Variants in RNLS observed in about 807,000 individuals in gnomAD.
RNLS encodes the protein renalase.
In RNLS, 39 loss-of-function variants were observed where a neutral mutation model predicts 39.8. The observed-to-expected ratio is 0.98, with a 90% confidence interval of 0.76 to 1.28. The LOEUF (loss-of-function observed/expected upper bound fraction) is 1.28. Ranked by LOEUF, RNLS falls within the 50% of genes most tolerant of loss-of-function variation. RNLS has a pLI of 0.00. For synonymous variants in RNLS, 147 were observed against 150.7 expected (o/e 0.98, Z 0.18); for missense variants, 410 against 413.3 (o/e 0.99, Z 0.07).
At chr10:88,443,877 T>C (rs1841876248) in intron 4 of RNLS, among the ~76,000 whole-genome samples, 1 of 152,244 alleles carries the variant, frequency 6.6e-6, no homozygotes, top group Non-Finnish European at 1.5e-5. Flanking sequence ...CCTGCCTCTG[T>C]AGACTCCACC....
At chr10:88,422,343 C>T (rs1156794521) in intron 4 of RNLS, among the ~76,000 whole-genome samples, 1 of 152,132 alleles carries the variant, frequency 6.6e-6, no homozygotes, top group Non-Finnish European at 1.5e-5. Context: ...AAAAAAGGAG[C>T]TTCCCAAGTT....
intron 4 of RNLS, among the ~76,000 whole-genome samples, chr10:88,405,365 A>C (rs1853192053): frequency 6.6e-6 from 1 of 151,934 alleles, no homozygotes; most frequent in African/African-American, 2.4e-5. Context: ...TTGTTTTATA[A>C]ATTTGGGAGC....
chr10:88,451,073 A>G (rs903430259), intron 4 of RNLS, among the ~76,000 whole-genome samples: 6 of 152,168 alleles, frequency 3.9e-5, no homozygotes, highest in Non-Finnish European at 8.8e-5. Flanking sequence ...AGGATATGAG[A>G]GGTGAGATGC....
At chr10:88,404,982 C>T (rs1392388214) in intron 4 of RNLS, among the ~76,000 whole-genome samples, 2 of 151,998 alleles carry the variant, frequency 1.3e-5, no homozygotes, top group Non-Finnish European at 2.9e-5. Flanking sequence ...CTGTTTTAGT[C>T]AGCTGGGTAG....
the RNLS span, among the ~76,000 whole-genome samples, chr10:88,254,292 A>G: frequency 4.1e-4 from 63 of 152,218 alleles, no homozygotes; most frequent in Non-Finnish European, 7.9e-4. Context: ...AACTCCTGCC[A>G]CACTGAATAA....
intron 5 of RNLS, among the ~76,000 whole-genome samples, chr10:88,317,822 G>GA (rs377463308): frequency 8.6e-5 from 13 of 151,154 alleles, no homozygotes; most frequent in African/African-American, 2.2e-4. Context: ...CTGAGATGCA[G>GA]AAAAAAAAAG....
intron 4 of RNLS, among the ~76,000 whole-genome samples, chr10:88,373,282 A>C (rs1262185403): frequency 6.6e-6 from 1 of 152,142 alleles, no homozygotes; most frequent in East Asian, 1.9e-4. Context: ...CAAACACCTG[A>C]AATCTGTGGT....
At chr10:88,436,482 C>G (rs1278020065) in intron 4 of RNLS, among the ~76,000 whole-genome samples, 1 of 152,198 alleles carries the variant, frequency 6.6e-6, no homozygotes. Context: ...TTATACCTGT[C>G]AAGATTGACA....
chr10:88,571,643 G>A (rs1020481876), intron 4 of RNLS, among the ~76,000 whole-genome samples: 2 of 152,166 alleles, frequency 1.3e-5, no homozygotes, highest in Non-Finnish European at 2.9e-5. Flanking sequence ...CAACTTCTTG[G>A]AGAAATGTAT....
At chr10:88,446,872 TA>T (rs1227697347) in intron 4 of RNLS, among the ~76,000 whole-genome samples, 1 of 152,168 alleles carries the variant, frequency 6.6e-6, no homozygotes, top group African/African-American at 2.4e-5. Flanking sequence ...TGCAAATCAA[TA>T]ACATAATCCA....
At chr10:88,473,184 C>T (rs1203419504) in intron 4 of RNLS, among the ~76,000 whole-genome samples, 2 of 152,062 alleles carry the variant, frequency 1.3e-5, no homozygotes, top group South Asian at 2.1e-4. Context: ...GTAAAAATAT[C>T]GTAGGATAAT....
At chr10:88,580,354 T>C (rs558771199) in intron 3 of RNLS, among the ~76,000 whole-genome samples, 2 of 152,346 alleles carry the variant, frequency 1.3e-5, no homozygotes, top group East Asian at 3.9e-4. Context: ...TATGTTCTCA[T>C]GTTGTTTATT....
chr10:88,350,327 A>G (rs1343043473), intron 5 of RNLS, among the ~76,000 whole-genome samples: 1 of 151,840 alleles, frequency 6.6e-6, no homozygotes, highest in Admixed American at 6.6e-5. Flanking sequence ...GATGTGCTGC[A>G]TCCATTAACT....
At chr10:88,339,461 C>T (rs901433263) in intron 5 of RNLS, among the ~76,000 whole-genome samples, 1 of 152,044 alleles carries the variant, frequency 6.6e-6, no homozygotes, top group African/African-American at 2.4e-5. Context: ...CAAAAAAGTA[C>T]GATTTGGAGA....
At chr10:88,296,093 C>T (rs1247999343) in intron 6 of RNLS, among the ~76,000 whole-genome samples, 1 of 151,966 alleles carries the variant, frequency 6.6e-6, no homozygotes, top group Non-Finnish European at 1.5e-5. Context: ...TGTTTTGTTC[C>T]CAGTAGTTGC....
rs995475032 is a variant in RNLS at position 88,492,739 on chromosome 10, CT to C, written c.526+80163del. Among the ~76,000 whole-genome samples, 8 of 152,012 alleles carry C rather than the reference CT, an allele frequency of 5.3e-5. No homozygotes were observed. The East Asian group carries it at 9.7e-4, about 18-fold the overall frequency. On this transcript the variant is annotated intron_variant, in intron 4 of 6. Coordinates refer to ENST00000331772, the MANE Select transcript of RNLS (RefSeq NM_001031709.3). ...TGGCCCTTTTAAACTTTTTAACATA[CT>C]TTTTTCTCCCCAGTTTTGTGTGTGT... is the stretch of plus-strand genomic sequence containing the variant.
chr10:88,394,916 A>C (rs792238), intron 4 of RNLS, among the ~76,000 whole-genome samples: 95,243 of 151,674 alleles, frequency 0.63, 30,107 homozygotes, highest in African/African-American at 0.71. Context: ...AACTGGAAAC[A>C]ATCATTCTCA....
the RNLS span, among the ~76,000 whole-genome samples, chr10:88,201,292 A>G: frequency 6.6e-6 from 1 of 152,200 alleles, no homozygotes; most frequent in African/African-American, 2.4e-5. Flanking sequence ...TCCATGGACC[A>G]GTGGGTTTTA....
chr10:88,451,126 C>T (rs577197103), intron 4 of RNLS, among the ~76,000 whole-genome samples: 33 of 152,246 alleles, frequency 2.2e-4, no homozygotes, highest in African/African-American at 7.7e-4. Context: ...AGATGAGGGG[C>T]ATAGACCCTT....
Sources: gnomAD v4.1 joint callset for allele counts (sites outside exome capture counted in the v4.1 genomes callset) on GRCh38, gnomAD v4.1.1 for gene constraint, MANE v1.5 for transcripts, NCBI Gene and HGNC (gene_info 2026-07-23, HGNC 2026-07-21) for gene names.